IPO5: variants seen among roughly 807,000 people sequenced by gnomAD.
The protein encoded by IPO5 is importin-5.
In IPO5, 18 loss-of-function variants were observed where a neutral mutation model predicts 143.3. The ratio of observed to expected loss-of-function variants is 0.13; its 90% CI spans 0.09 to 0.19. The LOEUF (loss-of-function observed/expected upper bound fraction) is 0.19. Among genes scored for constraint, IPO5 ranks in the 10% least tolerant of loss-of-function variants. The pLI, the probability that IPO5 is intolerant of heterozygous loss-of-function variation, is 1.00. For missense variants in IPO5, 1,013 were observed against 1,336.9 expected (o/e 0.76, Z 3.78); for synonymous variants, 477 against 465.7 (o/e 1.02, Z -0.31).
At chr13:98,012,365 A>G in intron 21 of IPO5, 23 bp downstream of exon 21, 1 of 1,300,514 alleles carries the variant, frequency 7.7e-7, no homozygotes, top group Non-Finnish European at 1.1e-6. Context: ...TTCTGAATAC[A>G]AAACATGTCT....
intron 4 of IPO5, among the ~76,000 whole-genome samples, chr13:97,978,494 A>G (rs921381722): frequency 3.9e-5 from 6 of 152,192 alleles, no homozygotes. Flanking sequence ...TGCTTGTAGA[A>G]TACTGAAAAG....
rs1303064541 is a variant in IPO5, at chr13:98,022,753, A to AT, written c.*932dup. 2.0e-5 allele frequency: 3 copies of AT among 152,272 alleles called. No individual in the cohort carries two copies. Among genetic ancestry groups the AT allele is most frequent in the Non-Finnish European group, 4.4e-5 (3 of 68,032 alleles). The allele number at this position is 152,272 out of a possible 1,614,324, so 9.4% of individuals were successfully genotyped here. A position where few individuals can be genotyped will look rare whatever the true frequency, so the allele number is the denominator to read the frequency against. On this transcript the variant is annotated 3_prime_UTR_variant, in exon 29 of 29. Coordinates refer to ENST00000651721, the MANE Select transcript of IPO5 (RefSeq NM_002271.6). ...CAATTTTGTAGCTAAGATTGTTCTGATCAGCTCAAAAAGATTTGGCTTAGT... is the reference window on the plus strand; with the variant it reads ...CAATTTTGTAGCTAAGATTGTTCTGATTCAGCTCAAAAAGATTTGGCTTAGT...
At chr13:97,995,621 T>G (rs2139724583) in intron 11 of IPO5, among the ~76,000 whole-genome samples, 1 of 151,808 alleles carries the variant, frequency 6.6e-6, no homozygotes, top group South Asian at 2.1e-4. Flanking sequence ...CCGGGCGTGG[T>G]GGCGGGCGCC....
chr13:97,999,370 A>C lies in IPO5; in HGVS notation c.1002-1169A>C, dbSNP rs115118960. Among the ~76,000 whole-genome samples the C allele has an allele frequency of 9.5e-3, 1,443 of 152,314 alleles. 21 individuals carry two copies. The highest frequency in any genetic ancestry group is 0.032 in the African/African-American group (1,340 of 41,568). The stretch of plus-strand genomic sequence containing the variant: ...CCTGATAACGGCTGAAGAGAAGACC[A>C]GGGCTAGGTCGAATTTCCTTTTTGG... On this transcript the variant is annotated intron_variant, in intron 12 of 28. Coordinates refer to ENST00000651721, the MANE Select transcript of IPO5 (RefSeq NM_002271.6).
At chr13:97,970,657 G>A (rs1007095968) in intron 3 of IPO5, among the ~76,000 whole-genome samples, 4 of 151,958 alleles carry the variant, frequency 2.6e-5, no homozygotes, top group East Asian at 1.9e-4. Flanking sequence ...GTTCAAACAC[G>A]CCATATTTCA....
At chr13:97,994,144 T>TA (rs1490727405) in intron 11 of IPO5, among the ~76,000 whole-genome samples, 1 of 152,076 alleles carries the variant, frequency 6.6e-6, no homozygotes, top group East Asian at 1.9e-4. Context: ...CCGTTTCTAC[T>TA]AAAAATACAA....
intron 21 of IPO5, among the ~76,000 whole-genome samples, chr13:98,013,423 C>T (rs996620422): frequency 6.6e-6 from 1 of 152,060 alleles, no homozygotes; most frequent in African/African-American, 2.4e-5. Context: ...GGTAGACAGA[C>T]ACAAACCCAG....
intron 2 of IPO5, among the ~76,000 whole-genome samples, chr13:97,966,773 T>A (rs1490778772): frequency 6.6e-6 from 1 of 152,242 alleles, no homozygotes; most frequent in East Asian, 1.9e-4. Flanking sequence ...GCGCAGTGGC[T>A]CACGCCTGTA....
intron 3 of IPO5, among the ~76,000 whole-genome samples, chr13:97,970,319 TACACTTAAA>T (rs1294420369): frequency 2.0e-5 from 3 of 152,168 alleles, no homozygotes; most frequent in African/African-American, 7.2e-5. Context: ...CTGTGTATTT[TACACTTAAA>T]ATATATCTCA....
Position 97,990,128 on chromosome 13 carries a change from A to C in IPO5, c.470A>C (p.Asn157Thr), listed in dbSNP as rs1298135560. 6.3e-7 allele frequency: 1 copy of C among 1,591,234 alleles called. No individual in the cohort carries two copies. The highest frequency in any genetic ancestry group is 1.7e-5 in the Admixed American group (1 of 59,866). The change falls in exon 8 of 29, where the codon AAC becomes ACC. Residue 157 changes from asparagine to threonine, a missense_variant and splice_region_variant. Asn to Thr is a moderately conservative substitution (Grantham distance 65). This residue lies in a region of IPO5 where 328 missense variants were observed against 342.0 expected (regional missense o/e 0.96). Transcript: ENST00000651721. ...LREAALHIFW[N>T]FPGIFGNQQQ... ...AGAATGTTTGGATTATCTTTTAGGA[A>C]CTTTCCTGGAATTTTTGGGAACCAG...
chr13:97,960,716 G>C (rs976443017), intron 2 of IPO5, among the ~76,000 whole-genome samples: 2 of 151,710 alleles, frequency 1.3e-5, no homozygotes, highest in Non-Finnish European at 2.9e-5. Flanking sequence ...GCACCACTAC[G>C]CCCAGCTAAC....
intron 4 of IPO5, among the ~76,000 whole-genome samples, chr13:97,979,299 G>A (rs1369411686): frequency 2.0e-5 from 3 of 152,148 alleles, no homozygotes; most frequent in Non-Finnish European, 4.4e-5. Flanking sequence ...GGTGACTTTT[G>A]TATTCAAATA....
chr13:97,995,679 C>T (rs1290310890), intron 11 of IPO5, among the ~76,000 whole-genome samples: 1 of 151,950 alleles, frequency 6.6e-6, no homozygotes. Flanking sequence ...TGGCGTGACC[C>T]GGGAGGCAGA....
chr13:98,012,972 A>G (rs921098671), intron 21 of IPO5, among the ~76,000 whole-genome samples: 3 of 152,054 alleles, frequency 2.0e-5, no homozygotes, highest in Admixed American at 6.5e-5. Context: ...TTAGAGAACC[A>G]CTGATAGATG....
chr13:97,967,337 A>T (rs981734190), intron 2 of IPO5, among the ~76,000 whole-genome samples: 1 of 152,120 alleles, frequency 6.6e-6, no homozygotes, highest in African/African-American at 2.4e-5. Flanking sequence ...CTTCTCAAAG[A>T]AACAATTTTG....
chr13:97,982,129 A>G (rs1388566704), intron 4 of IPO5: 1 of 177,122 alleles, frequency 5.6e-6, no homozygotes, highest in Non-Finnish European at 1.2e-5. Flanking sequence ...TGTTAACGAA[A>G]CAGTTTCTCA....
At chr13:97,984,075 T>G in intron 5 of IPO5, among the ~76,000 whole-genome samples, 2 of 136,298 alleles carry the variant, frequency 1.5e-5, no homozygotes, top group Non-Finnish European at 3.1e-5. Flanking sequence ...GCCTCCCGGG[T>G]TCACGCCATT....
intron 11 of IPO5, among the ~76,000 whole-genome samples, chr13:97,996,290 A>G (rs919760092): frequency 6.6e-6 from 1 of 152,214 alleles, no homozygotes; most frequent in South Asian, 2.1e-4. Context: ...GGCTCAAGGG[A>G]TCCTCCCACC....
chr13:97,987,950 ATT>A (rs34796635), intron 6 of IPO5: 246 of 242,288 alleles, frequency 1.0e-3, no homozygotes, highest in East Asian at 4.8e-3. Flanking sequence ...GCTCTCATAG[ATT>A]TTTTTTTTTT....
Sources: gnomAD v4.1 joint callset for allele counts (sites outside exome capture counted in the v4.1 genomes callset) on GRCh38, gnomAD v4.1.1 for gene constraint, gnomAD v4.1.1 regional missense constraint, MANE v1.5 for transcripts, NCBI Gene and HGNC (gene_info 2026-07-23, HGNC 2026-07-21) for gene names.